The following SLC14A2 variants were observed in gnomAD, a reference collection of about 807,000 sequenced individuals.
SLC14A2 encodes the protein solute carrier family 14 member 2.
A neutral mutation model predicts 104.6 loss-of-function variants in SLC14A2; 91 were observed. The observed-to-expected ratio is 0.87, with a 90% CI of 0.73 to 1.04. SLC14A2 has a LOEUF of 1.04. Among genes scored for constraint, SLC14A2 ranks in the 50% least tolerant of loss-of-function variants. The pLI is 0.00. For synonymous variants in SLC14A2, 476 were observed against 466.4 expected, an observed-to-expected ratio of 1.02 and a Z score of -0.27; for missense variants, 1,189 against 1,156.0, an observed-to-expected ratio of 1.03 and a Z score of -0.41.
At chr18:45,217,328 A>AT (rs1197187775) in intron 1 of SLC14A2, among the ~76,000 whole-genome samples, 2 of 117,660 alleles carry the variant, frequency 1.7e-5, no homozygotes, top group Non-Finnish European at 3.9e-5. Flanking sequence ...ATGTATATAT[A>AT]ATGTACATAT....
upstream of SLC14A2, chr18:45,615,025 G>GA (rs1356123544): frequency 5.3e-5 from 8 of 152,186 alleles, no homozygotes; most frequent in East Asian, 1.9e-4. Context: ...TCGAACTTCT[G>GA]ACGTCAAGTG....
chr18:45,539,909 T>A (rs1198740525), intron 2 of SLC14A2, among the ~76,000 whole-genome samples: 11 of 124,062 alleles, frequency 8.9e-5, no homozygotes, highest in South Asian at 2.5e-4. Flanking sequence ...AAAAAAAAAA[T>A]TTAAAAAAAA....
chr18:45,311,770 G>T (rs2085081552), intron 1 of SLC14A2, among the ~76,000 whole-genome samples: 1 of 152,154 alleles, frequency 6.6e-6, no homozygotes, highest in East Asian at 1.9e-4. Context: ...TGAGAAAGGG[G>T]GTGTTGGAAC....
At chr18:45,601,618 C>T (rs2044792589) in intron 2 of SLC14A2, among the ~76,000 whole-genome samples, 1 of 152,214 alleles carries the variant, frequency 6.6e-6, no homozygotes, top group African/African-American at 2.4e-5. Flanking sequence ...GTCCAACTGG[C>T]TAGTGCTCTC....
chr18:45,210,854 A>C (rs1383926420), upstream of SLC14A2, among the ~76,000 whole-genome samples: 3 of 152,178 alleles, frequency 2.0e-5, no homozygotes, highest in Non-Finnish European at 2.9e-5. Flanking sequence ...GTTGTTGTGC[A>C]TTCTGTGATT....
chr18:45,633,457 A>G (rs1279884495), intron 5 of SLC14A2, among the ~76,000 whole-genome samples: 1 of 152,222 alleles, frequency 6.6e-6, no homozygotes, highest in African/African-American at 2.4e-5. Flanking sequence ...TCACCATGAA[A>G]GGGAGTTAGG....
chr18:45,678,673 A>G (rs912500946), intron 18 of SLC14A2, among the ~76,000 whole-genome samples: 1 of 152,172 alleles, frequency 6.6e-6, no homozygotes, highest in African/African-American at 2.4e-5. Context: ...ATTTTCATTT[A>G]TGGTTTATGC....
At chr18:45,596,486 G>C (rs1303669909) in intron 2 of SLC14A2, among the ~76,000 whole-genome samples, 3 of 152,204 alleles carry the variant, frequency 2.0e-5, no homozygotes, top group Admixed American at 2.0e-4. Context: ...AATTACCCAG[G>C]AGTTGAACAA....
At chr18:45,544,117 G>A (rs1401156975) in intron 2 of SLC14A2, among the ~76,000 whole-genome samples, 3 of 152,184 alleles carry the variant, frequency 2.0e-5, no homozygotes, top group East Asian at 3.8e-4. Flanking sequence ...CGTCCCCTTA[G>A]CTAATTTTGC....
At chr18:45,433,817 CT>C (rs1267866063) in intron 1 of SLC14A2, among the ~76,000 whole-genome samples, 2 of 152,126 alleles carry the variant, frequency 1.3e-5, no homozygotes, top group Non-Finnish European at 2.9e-5. Flanking sequence ...TGAGTGGACA[CT>C]GAGGATGACA....
At chr18:45,459,585 C>T (rs1424638384) in intron 1 of SLC14A2, among the ~76,000 whole-genome samples, 1 of 152,212 alleles carries the variant, frequency 6.6e-6, no homozygotes, top group African/African-American at 2.4e-5. Context: ...AGCAGCTGGA[C>T]TGAAAGCATA....
chr18:45,348,191 A>G (rs920726733), intron 1 of SLC14A2, among the ~76,000 whole-genome samples: 3 of 152,258 alleles, frequency 2.0e-5, no homozygotes, highest in Non-Finnish European at 2.9e-5. Flanking sequence ...CAGGAAGCCC[A>G]GAGCGGGTAG....
intron 1 of SLC14A2, among the ~76,000 whole-genome samples, chr18:45,316,628 T>G (rs1277871820): frequency 1.3e-5 from 2 of 152,090 alleles, no homozygotes; most frequent in African/African-American, 4.8e-5. Flanking sequence ...GCTTCAAAAA[T>G]TTACAAGTGT....
chr18:45,648,362 C>T (rs1489581738), intron 10 of SLC14A2, among the ~76,000 whole-genome samples: 1 of 151,994 alleles, frequency 6.6e-6, no homozygotes, highest in Non-Finnish European at 1.5e-5. Context: ...CCCGCCACCA[C>T]GACCAGCTAA....
Position 45,682,600 on chromosome 18 carries a change from C to T in SLC14A2, c.*81C>T, listed in dbSNP as rs890130888. On this transcript the variant is annotated 3_prime_UTR_variant, in exon 20 of 20. Transcript: ENST00000255226. ...TCCCCAGGATAAGAGACCACTTAGC[C>T]TTCCCTTTGGTCTGTTCTGTGACTC... is the stretch of plus-strand genomic sequence containing the variant. 2.5e-5 allele frequency: 29 copies of T among 1,181,866 alleles called. No homozygotes were observed. Among genetic ancestry groups the T allele is most frequent in the Non-Finnish European group, 3.5e-5 (28 of 790,022 alleles). 73.2% of individuals were successfully genotyped at this position (1,181,866 alleles called of 1,614,324 possible).
intron 10 of SLC14A2, among the ~76,000 whole-genome samples, chr18:45,649,968 T>A (rs2045703031): frequency 6.6e-6 from 1 of 152,252 alleles, no homozygotes; most frequent in Non-Finnish European, 1.5e-5. Context: ...ATCTGCAAAC[T>A]CAAGTCTTTC....
At position 45,337,521 on chromosome 18, in the gene SLC14A2, G is replaced by A. The variant is rs546072780; in HGVS notation, c.-125+124330G>A. ...AACTTCCTCAACCAACTGACTAGAC[G>A]CATTCTGGGCCAAGAGAACCCCAGA... On this transcript the variant is annotated intron_variant, in intron 1 of 20. Transcript: ENST00000586448. 8.5e-5 allele frequency among the ~76,000 whole-genome samples: 13 copies of A among 152,190 alleles called. 1 individual carries two copies. In the South Asian group the frequency reaches 1.3e-3, roughly 15 times the overall value.
intron 2 of SLC14A2, among the ~76,000 whole-genome samples, chr18:45,496,420 G>A (rs1030424786): frequency 6.6e-6 from 1 of 152,144 alleles, no homozygotes; most frequent in African/African-American, 2.4e-5. Flanking sequence ...TGTCAGTGTG[G>A]GTGGGCACCA....
At chr18:45,496,783 C>CAA (rs138963930) in intron 2 of SLC14A2, among the ~76,000 whole-genome samples, 1 of 150,556 alleles carries the variant, frequency 6.6e-6, no homozygotes, top group East Asian at 1.9e-4. Flanking sequence ...GACTCCGTCT[C>CAA]AAAAAAAAAT....
Sources: gnomAD v4.1 joint callset for allele counts (sites outside exome capture counted in the v4.1 genomes callset) on GRCh38, gnomAD v4.1.1 for gene constraint, MANE v1.5 for transcripts, NCBI Gene and HGNC (gene_info 2026-07-23, HGNC 2026-07-21) for gene names.